MLX: variants seen among roughly 807,000 people sequenced by gnomAD.
MLX encodes MAX dimerization protein MLX.
Under a neutral mutation model 33.0 loss-of-function variants are expected in MLX, and 15 were observed. The ratio of observed to expected loss-of-function variants is 0.45; its 90% CI spans 0.30 to 0.70. The LOEUF (loss-of-function observed/expected upper bound fraction) is 0.70, where lower values mean the gene tolerates loss of function less well. MLX is among the 30% of genes least tolerant of loss of function. MLX has a pLI of 0.07. For missense variants in MLX, 285 were observed against 306.3 expected, an observed-to-expected ratio of 0.93 and a Z score of 0.52; for synonymous variants, 115 against 115.6, an observed-to-expected ratio of 0.99 and a Z score of 0.03.
chr17:42,569,367 C>T, intron 5 of MLX, 64 bp downstream of exon 5: 1 of 1,550,206 alleles, frequency 6.5e-7, no homozygotes, highest in South Asian at 1.1e-5. Flanking sequence ...GCCAGTGCCT[C>T]CTACCCACCC....
At chr17:42,567,410 CAG>C (rs2093012494) in intron 1 of MLX, 9 of 1,391,442 alleles carry the variant, frequency 6.5e-6, no homozygotes, top group South Asian at 3.0e-5. Flanking sequence ...GGATCATACA[CAG>C]GGGAGGCACT....
chr17:42,571,880 C>G lies in MLX; in HGVS notation c.*277C>G, dbSNP rs538903306. On this transcript the variant is annotated 3_prime_UTR_variant, in exon 8 of 8. Coordinates refer to ENST00000435881, the MANE Select transcript of MLX (RefSeq NM_198204.2). The stretch of plus-strand genomic sequence containing the variant: ...GAAGTCCTTGGGATGGGCGTCTGCT[C>G]TGGACACCCCAAAGAGCTCCTGCCC... The G allele has an allele frequency of 1.7e-5, 8 of 475,022 alleles. No individual in the cohort carries two copies. 29.4% of individuals were successfully genotyped at this position (475,022 alleles called of 1,614,324 possible).
intron 1 of MLX, 60 bp downstream of exon 1, chr17:42,567,226 G>T: frequency 2.3e-6 from 3 of 1,314,534 alleles, no homozygotes; most frequent in African/African-American, 1.5e-5. Context: ...GTGCACGTAG[G>T]GGGGCCGGAA....
intron 1 of MLX, 100 bp downstream of exon 1, chr17:42,567,266 T>C: frequency 7.5e-7 from 1 of 1,334,866 alleles, no homozygotes. Context: ...GTCCCCAAAG[T>C]CCCCCACGCT....
chr17:42,572,718 TG>T lies in MLX; in HGVS notation c.*1116del. The T allele has an allele frequency of 1.6e-6, 1 of 607,540 alleles. No individual in the cohort carries two copies. The highest frequency in any genetic ancestry group is 3.1e-6 in the Non-Finnish European group (1 of 327,146). The allele number at this position is 607,540 out of a possible 1,614,324, so 37.6% of individuals were successfully genotyped here. The stretch of plus-strand genomic sequence containing the variant: ...ATTGCCAAATGCTTTCCTTTAGCAT[TG>T]TTCCAAGTCTAAATGTTAACCTCAA... On this transcript the variant is annotated 3_prime_UTR_variant, in exon 8 of 8. Transcript: ENST00000435881.
rs755087009 is a variant in MLX, at chr17:42,568,853, T to A, written c.186T>A (p.Asp62Glu). 9.3e-6 allele frequency: 15 copies of A among 1,609,664 alleles called. No individual in the cohort carries two copies. Among genetic ancestry groups the A allele is most frequent in the Non-Finnish European group, 1.2e-5 (14 of 1,177,766 alleles). ...SVPNTDDEDS[D>E]YHQEAYKESY... Reference sequence around the variant, plus strand: ...TGAGCGTAGATGATGAGGACAGTGATTACCACCAGGAGGCCTACAAGGAGT... The same window carrying A: ...TGAGCGTAGATGATGAGGACAGTGAATACCACCAGGAGGCCTACAAGGAGT... Residue 62 changes from aspartate to glutamate, a missense_variant, in exon 4 of 8, where the codon GAT (aspartate) becomes GAA (glutamate). By Grantham distance (45) the Asp-to-Glu change is conservative. Transcript: ENST00000435881.
chr17:42,571,766 GCCGCGGTGTTTGTTT>G lies in MLX; in HGVS notation c.*164_*178del. The G allele has an allele frequency of 1.5e-6, 1 of 672,196 alleles. No homozygotes were observed. Among genetic ancestry groups the G allele is most frequent in the Non-Finnish European group, 2.6e-6 (1 of 378,082 alleles). 41.6% of individuals were successfully genotyped at this position (672,196 alleles called of 1,614,324 possible). A position where few individuals can be genotyped will look rare whatever the true frequency, so the allele number is the denominator to read the frequency against. On this transcript the variant is annotated 3_prime_UTR_variant, in exon 8 of 8. Coordinates refer to ENST00000435881, the MANE Select transcript of MLX (RefSeq NM_198204.2). ...CCAGCCCCATTTTATCTTCAGCGGA[GCCGCGGTGTTTGTTT>G]TGTGAAAGCTTCTGATTAATTTATT... is the stretch of plus-strand genomic sequence containing the variant.
chr17:42,572,299 T>C lies in MLX; in HGVS notation c.*696T>C, dbSNP rs1258226459. The C allele has an allele frequency of 2.2e-6, 1 of 447,778 alleles. No homozygotes were observed. The highest frequency in any genetic ancestry group is 2.4e-5 in the Admixed American group (1 of 42,190). The allele number at this position is 447,778 out of a possible 1,614,324, so 27.7% of individuals were successfully genotyped here. On this transcript the variant is annotated 3_prime_UTR_variant, in exon 8 of 8. Coordinates refer to ENST00000435881, the MANE Select transcript of MLX (RefSeq NM_198204.2). ...TGATGCTGCATGGCAGAGGCAGGTATAACACAGCACTACATATTGGAAATT... is the reference window on the plus strand; with the variant it reads ...TGATGCTGCATGGCAGAGGCAGGTACAACACAGCACTACATATTGGAAATT...
chr17:42,571,645 T>G lies in MLX; in HGVS notation c.*42T>G, dbSNP rs1163880815. On this transcript the variant is annotated 3_prime_UTR_variant, in exon 8 of 8. Coordinates refer to ENST00000435881, the MANE Select transcript of MLX (RefSeq NM_198204.2). ...TGGAGAACAGCCAACAAGAGGCCCT[T>G]GAATCTCTACGTGGCCACTGAACTG... The G allele has an allele frequency of 6.3e-7, 1 of 1,599,324 alleles. No individual in the cohort carries two copies. The highest frequency in any genetic ancestry group is 1.7e-5 in the Admixed American group (1 of 59,994).
intron 4 of MLX, 99 bp from the exon 5 acceptor site, chr17:42,569,105 A>G: frequency 7.5e-7 from 1 of 1,328,038 alleles, no homozygotes; most frequent in Non-Finnish European, 1.1e-6. Context: ...CACCCCATTG[A>G]GTTTGTGAGC....
chr17:42,568,665 C>A, intron 3 of MLX, 106 bp downstream of exon 3: 1 of 1,198,912 alleles, frequency 8.3e-7, no homozygotes, highest in Non-Finnish European at 1.2e-6. Context: ...GGTGCTGGAG[C>A]CAAAGTATCA....
intron 3 of MLX, 103 bp from the exon 4 acceptor site, chr17:42,568,734 G>A: frequency 8.8e-7 from 1 of 1,139,568 alleles, no homozygotes; most frequent in Non-Finnish European, 1.3e-6. Context: ...CTGTCCATCT[G>A]CCTTCTCTGG....
At chr17:42,568,617 C>G in intron 3 of MLX, 58 bp downstream of exon 3, 6 of 1,488,960 alleles carry the variant, frequency 4.0e-6, no homozygotes, top group Non-Finnish European at 5.6e-6. Context: ...AATTGTAGTA[C>G]CTTTCCTAGA....
Position 42,567,124 on chromosome 17 carries a change from G to A in MLX, c.-1G>A, listed in dbSNP as rs1198468274. On this transcript the variant is annotated 5_prime_UTR_variant, in exon 1 of 8. Transcript: ENST00000435881. ...CCCGTTTCCGGTCCGGTGGGTACAAGATGACGGAGCCGGGCGCCTCTCCCG... is the reference window on the plus strand; with the variant it reads ...CCCGTTTCCGGTCCGGTGGGTACAAAATGACGGAGCCGGGCGCCTCTCCCG... 8.7e-6 allele frequency: 11 copies of A among 1,259,116 alleles called. No individual in the cohort carries two copies. The highest frequency in any genetic ancestry group is 7.6e-5 in the Admixed American group (2 of 26,390). 78.0% of individuals were successfully genotyped at this position (1,259,116 alleles called of 1,614,324 possible).
At position 42,572,674 on chromosome 17, in the gene MLX, A is replaced by C. The variant is rs1322344036; in HGVS notation, c.*1071A>C. On this transcript the variant is annotated 3_prime_UTR_variant, in exon 8 of 8. Coordinates refer to ENST00000435881, the MANE Select transcript of MLX (RefSeq NM_198204.2). Reference sequence around the variant, plus strand: ...AGAGGAAATTAAATATTTTTATATAAAATTAAATTATAATAAATATTGCCA... The same window carrying C: ...AGAGGAAATTAAATATTTTTATATACAATTAAATTATAATAAATATTGCCA... The C allele has an allele frequency of 2.4e-6, 1 of 410,908 alleles. No homozygotes were observed. The highest frequency in any genetic ancestry group is 2.6e-5 in the Admixed American group (1 of 38,950). 25.5% of individuals were successfully genotyped at this position (410,908 alleles called of 1,614,324 possible). A position where few individuals can be genotyped will look rare whatever the true frequency, so the allele number is the denominator to read the frequency against.
chr17:42,569,474 G>A (rs575669530), intron 5 of MLX, 33 bp from the exon 6 acceptor site: 2 of 1,576,656 alleles, frequency 1.3e-6, no homozygotes, highest in African/African-American at 1.3e-5. Flanking sequence ...GAATACTTCT[G>A]TACCTGTCCT....
Position 42,571,845 on chromosome 17 carries a change from C to G in MLX, c.*242C>G. 1 of 532,966 alleles carries G rather than the reference C, an allele frequency of 1.9e-6. No homozygotes were observed. The highest frequency in any genetic ancestry group is 2.1e-5 in the South Asian group (1 of 48,562). 33.0% of individuals were successfully genotyped at this position (532,966 alleles called of 1,614,324 possible). Reference sequence around the variant, plus strand: ...AACTCAAACCTACCCAGCCTTCCCCCCACTCCATGGAAGTCCTTGGGATGG... The same window carrying G: ...AACTCAAACCTACCCAGCCTTCCCCGCACTCCATGGAAGTCCTTGGGATGG... On this transcript the variant is annotated 3_prime_UTR_variant, in exon 8 of 8. Coordinates refer to ENST00000435881, the MANE Select transcript of MLX (RefSeq NM_198204.2).
intron 6 of MLX, 183 bp downstream of exon 6, chr17:42,569,789 T>C (rs1188371971): frequency 5.6e-6 from 4 of 714,152 alleles, no homozygotes; most frequent in Non-Finnish European, 9.5e-6. Context: ...GAAATGCCTG[T>C]TGGATTAATG....
chr17:42,567,120 A>G lies in MLX; in HGVS notation c.-5A>G. On this transcript the variant is annotated 5_prime_UTR_variant, in exon 1 of 8. Transcript: ENST00000435881. ...CTGGCCCGTTTCCGGTCCGGTGGGT[A>G]CAAGATGACGGAGCCGGGCGCCTCT... is the stretch of plus-strand genomic sequence containing the variant. 1 of 1,257,838 alleles carries G rather than the reference A, an allele frequency of 8.0e-7. No individual in the cohort carries two copies. The highest frequency in any genetic ancestry group is 1.0e-6 in the Non-Finnish European group (1 of 1,001,836). 77.9% of individuals were successfully genotyped at this position (1,257,838 alleles called of 1,614,324 possible).
Sources: allele counts gnomAD v4.1 joint callset, GRCh38; gene constraint gnomAD v4.1.1; transcripts MANE v1.5; gene names NCBI Gene and HGNC (gene_info 2026-07-23, HGNC 2026-07-21).